Variants in C1R observed in about 807,000 individuals in gnomAD.
The protein encoded by C1R is complement C1r subcomponent.
C1R carries 15 observed loss-of-function variants against 27.6 expected under a neutral mutation model. That is an observed-to-expected ratio of 0.54 (90% CI 0.36 to 0.84). C1R has a LOEUF of 0.84. Ranked by LOEUF, C1R falls within the 40% of genes least tolerant of loss-of-function variation. The probability of loss-of-function intolerance (pLI) is 0.01; values close to 1 mark genes in which losing one functional copy is unlikely to be tolerated. For synonymous variants in C1R, 253 were observed against 228.8 expected (o/e 1.11, Z -0.95); for missense variants, 544 against 577.9 (o/e 0.94, Z 0.60).
Position 7,080,535 on chromosome 12 carries a change from G to C in C1R, c.2115C>G (p.Asp705Glu). ...TCGAACCTAGTGAATTCTGGGCTCA[G>C]TCCTCCTCCTCCATCTCTTTCTTGA... ...DWIKKEMEEE[D>E] The change falls in exon 11 of 11, where the codon GAC (aspartate) becomes GAG (glutamate). Residue 705 changes from aspartate to glutamate, a missense_variant. Around this residue, in one of 2 missense-constraint regions of C1R, gnomAD observed 253 missense variants for 368.9 expected, o/e 0.69. Coordinates refer to ENST00000647956, the MANE Select transcript of C1R (RefSeq NM_001733.7). The surrounding 1 kb of genome is among the most constrained non-coding windows in gnomAD (Gnocchi z 4.9). 1.3e-6 allele frequency: 2 copies of C among 1,558,714 alleles called. No individual in the cohort carries two copies. The highest frequency in any genetic ancestry group is 1.7e-6 in the Non-Finnish European group (2 of 1,150,242).
Position 7,081,194 on chromosome 12 carries a change from G to A in C1R, c.1456C>T (p.Arg486Cys). The A allele has an allele frequency of 1.9e-6, 3 of 1,613,552 alleles. No homozygotes were observed. The highest frequency in any genetic ancestry group is 1.1e-5 in the South Asian group (1 of 91,030). Residue 486 changes from arginine to cysteine, a missense_variant, in exon 11 of 11, where the codon CGC (arginine) becomes TGC (cysteine). Transcript: ENST00000647956. Reference protein sequence around the residue: ...PWQVFTNIHGRGGGALLGDRW... With the variant: ...PWQVFTNIHGCGGGALLGDRW... ...TCGCCCAGCAGGGCCCCGCCCCCGC[G>A]CCCGTGGATGTTGGTGAACACCTGC... is the stretch of plus-strand genomic sequence containing the variant.
rs1371144767 is a variant in C1R at position 7,091,544 on chromosome 12, C to T, written c.139G>A (p.Val47Met). 2.6e-6 allele frequency: 2 copies of T among 778,492 alleles called. No individual in the cohort carries two copies. The highest frequency in any genetic ancestry group is 1.7e-5 in the Admixed American group (1 of 58,712). 48.2% of individuals were successfully genotyped at this position (778,492 alleles called of 1,614,324 possible). A position where few individuals can be genotyped will look rare whatever the true frequency, so the allele number is the denominator to read the frequency against. Residue 47 changes from valine (V) to methionine (M), a missense_variant, in exon 2 of 11, where the codon GTG becomes ATG. Physicochemically the swap from Val to Met is conservative, Grantham distance 21 (BLOSUM62 1). This residue lies in a region of C1R where 291 missense variants were observed against 209.0 expected (regional missense o/e 1.39). Coordinates refer to ENST00000647956, the MANE Select transcript of C1R (RefSeq NM_001733.7). This position sits in a 1 kb window ranked among gnomAD's most constrained non-coding sequence, Gnocchi z 5.1. ...PYPNNFETTT[V>M]ITVPTGYRVK... Reference sequence around the variant, plus strand: ...CTGTATCCCGTGGGGACTGTGATCACAGTGGTTGTTTCAAAGTTGTTGGGG... The same window carrying T: ...CTGTATCCCGTGGGGACTGTGATCATAGTGGTTGTTTCAAAGTTGTTGGGG...
intron 9 of C1R, among the ~76,000 whole-genome samples, chr12:7,085,213 G>GTT (rs1938130882): frequency 6.6e-6 from 1 of 151,160 alleles, no homozygotes; most frequent in African/African-American, 2.4e-5. Flanking sequence ...TAATGCTGGT[G>GTT]GTGATAATGG....
chr12:7,083,237 G>T (rs1236408687), intron 9 of C1R, among the ~76,000 whole-genome samples: 5 of 150,220 alleles, frequency 3.3e-5, no homozygotes, highest in African/African-American at 1.2e-4. Context: ...GTTGTTAATG[G>T]TGGTGTTGTT....
In C1R at chr12:7,082,111, G is replaced by T; in HGVS notation, c.1274-5C>A. The T allele has an allele frequency of 6.8e-7, 1 of 1,473,104 alleles. No homozygotes were observed. The highest frequency in any genetic ancestry group is 9.2e-7 in the Non-Finnish European group (1 of 1,088,380). The allele number at this position is 1,473,104 out of a possible 1,614,324, so 91.3% of individuals were successfully genotyped here. On this transcript the variant is annotated splice_polypyrimidine_tract_variant and splice_region_variant and intron_variant, in intron 9 of 10. Transcript: ENST00000647956. ...GTGCTGTGCAGGTGTACACCCCTGA[G>T]GGCAGAGGAGGCAAGAATCAAGTTG...
In C1R at chr12:7,091,932, C is replaced by T. The variant is rs990324409; in HGVS notation, c.3-252G>A. On this transcript the variant is annotated intron_variant, in intron 1 of 10. Transcript: ENST00000647956. The surrounding 1 kb of genome is among the most constrained non-coding windows in gnomAD (Gnocchi z 5.1). ...CCACACTCCCCTCACACTCCCTTTC[C>T]AGCCTCCTCCCCTGCCCGGACGCGT... The T allele has an allele frequency of 1.2e-5, 8 of 656,660 alleles. No individual in the cohort carries two copies. Among genetic ancestry groups the T allele is most frequent in the Non-Finnish European group, 2.0e-5 (7 of 357,008 alleles). 40.7% of individuals were successfully genotyped at this position (656,660 alleles called of 1,614,324 possible). A position where few individuals can be genotyped will look rare whatever the true frequency, so the allele number is the denominator to read the frequency against.
chr12:7,092,342 C>G, intron 1 of C1R, 45 bp downstream of exon 1: 1 of 780,814 alleles, frequency 1.3e-6, no homozygotes, highest in Non-Finnish European at 2.4e-6. Flanking sequence ...CTGGCTTCTC[C>G]CCTGGCTTCT....
At position 7,080,616 on chromosome 12, in the gene C1R, G is replaced by C. The variant is rs910674306; in HGVS notation, c.2034C>G (p.Ile678Met). Residue 678 changes from isoleucine to methionine, a missense_variant, in exon 11 of 11, where the codon ATC becomes ATG. Coordinates refer to ENST00000647956, the MANE Select transcript of C1R (RefSeq NM_001733.7). This position sits in a 1 kb window ranked among gnomAD's most constrained non-coding sequence, Gnocchi z 4.9. ...WVATGIVSWG[I>M]GCSRGYGFYT... is the part of the protein sequence containing the mutation. ...AGAAGCCATAGCCCCTGCTGCACCC[G>C]ATGCCCCAGGACACGATGCCCGTGG... 1 of 1,613,378 alleles carries C rather than the reference G, an allele frequency of 6.2e-7. No homozygotes were observed. The highest frequency in any genetic ancestry group is 1.3e-5 in the African/African-American group (1 of 74,868).
In C1R at chr12:7,080,595, G is replaced by A. The variant is rs1221754610; in HGVS notation, c.2055C>T (p.Gly685=). ...CGTAGTTGAGCACTTTGGTGTAGAA[G>A]CCATAGCCCCTGCTGCACCCGATGC... ...SWGIGCSRGY[G]FYTKVLNYVD... Residue 685 remains glycine (G), a synonymous_variant, in exon 11 of 11, where the codon GGC becomes GGT. Transcript: ENST00000647956. This position sits in a 1 kb window ranked among gnomAD's most constrained non-coding sequence, Gnocchi z 4.9. 4 of 1,611,090 alleles carry A rather than the reference G, an allele frequency of 2.5e-6. No homozygotes were observed. The South Asian group carries it at 4.4e-5, about 18-fold the overall frequency.
At position 7,080,378 on chromosome 12, in the gene C1R, T is replaced by C; in HGVS notation, c.*154A>G. On this transcript the variant is annotated 3_prime_UTR_variant, in exon 11 of 11. Transcript: ENST00000647956. The surrounding 1 kb of genome is among the most constrained non-coding windows in gnomAD (Gnocchi z 4.9). ...TTTGGGTTGTTTCAGGTAAAGTACA[T>C]CAATGGGACTACAGGAAAGAGAATT... The C allele has an allele frequency of 2.2e-6, 3 of 1,380,896 alleles. No homozygotes were observed. Among genetic ancestry groups the C allele is most frequent in the Non-Finnish European group, 2.8e-6 (3 of 1,070,944 alleles). The allele number at this position is 1,380,896 out of a possible 1,614,324, so 85.5% of individuals were successfully genotyped here. A position where few individuals can be genotyped will look rare whatever the true frequency, so the allele number is the denominator to read the frequency against.
At chr12:7,090,481 C>A (rs955830022) in intron 2 of C1R, 4 of 522,924 alleles carry the variant, frequency 7.6e-6, no homozygotes, top group Non-Finnish European at 1.4e-5. Flanking sequence ...GGGTACCTCA[C>A]CCTTTCCCTG....
rs1014763885 is a variant in C1R, at chr12:7,088,700, G to C, written c.948C>G (p.Asp316Glu). The change falls in exon 7 of 11, where the codon GAC becomes GAG. Residue 316 changes from aspartate to glutamate, a missense_variant. By Grantham distance (45) the Asp-to-Glu change is conservative. Transcript: ENST00000647956. ...IIKCPQPKTLDEFTIIQNLQP... is the reference protein window; with the variant it reads ...IIKCPQPKTLEEFTIIQNLQP... ...GCAGGTTCTGGATGATGGTGAACTCGTCTAGGGTCTTGGGCTGGGGGCACT... is the reference window on the plus strand; with the variant it reads ...GCAGGTTCTGGATGATGGTGAACTCCTCTAGGGTCTTGGGCTGGGGGCACT... 1.3e-6 allele frequency: 1 copy of C among 775,798 alleles called. No individual in the cohort carries two copies. The highest frequency in any genetic ancestry group is 2.4e-6 in the Non-Finnish European group (1 of 415,824). The allele number at this position is 775,798 out of a possible 1,614,324, so 48.1% of individuals were successfully genotyped here.
chr12:7,091,769 A>C lies in C1R; in HGVS notation c.3-89T>G, dbSNP rs1406890241. On this transcript the variant is annotated intron_variant, in intron 1 of 10. Coordinates refer to ENST00000647956, the MANE Select transcript of C1R (RefSeq NM_001733.7). The surrounding 1 kb of genome is among the most constrained non-coding windows in gnomAD (Gnocchi z 5.1). ...GGCTGTGGCAGGGGATGAGACGGCC[A>C]TACCACTGGGCATTCTCCTCTCTGC... 2.8e-6 allele frequency: 2 copies of C among 715,690 alleles called. No individual in the cohort carries two copies. The highest frequency in any genetic ancestry group is 5.2e-6 in the Non-Finnish European group (2 of 385,016). 44.3% of individuals were successfully genotyped at this position (715,690 alleles called of 1,614,324 possible).
At position 7,092,404 on chromosome 12, in the gene C1R, T is replaced by C; in HGVS notation, c.-16A>G. The C allele has an allele frequency of 1.3e-6, 1 of 780,862 alleles. No individual in the cohort carries two copies. The allele number at this position is 780,862 out of a possible 1,614,324, so 48.4% of individuals were successfully genotyped here. On this transcript the variant is annotated 5_prime_UTR_variant, in exon 1 of 11. Coordinates refer to ENST00000647956, the MANE Select transcript of C1R (RefSeq NM_001733.7). Reference sequence around the variant, plus strand: ...TTACTCACATTTCTCAAGGCCCGTGTTGAATCCTGGGCTCTCCCGACAGCG... The same window carrying C: ...TTACTCACATTTCTCAAGGCCCGTGCTGAATCCTGGGCTCTCCCGACAGCG...
rs963931406 is a variant in C1R, at chr12:7,091,868, T to A, written c.3-188A>T. On this transcript the variant is annotated intron_variant, in intron 1 of 10. Transcript: ENST00000647956. This position sits in a 1 kb window ranked among gnomAD's most constrained non-coding sequence, Gnocchi z 5.1. The stretch of plus-strand genomic sequence containing the variant: ...GAGGATGGCCTGTGCAGCTGCTGCA[T>A]CGGGTCACTCTCCAGGGCAGTGTCC... The A allele has an allele frequency of 1.4e-6, 1 of 695,886 alleles. No homozygotes were observed. The highest frequency in any genetic ancestry group is 2.6e-6 in the Non-Finnish European group (1 of 381,768). 43.1% of individuals were successfully genotyped at this position (695,886 alleles called of 1,614,324 possible).
intron 7 of C1R, chr12:7,087,327 T>C (rs1370502210): frequency 3.3e-5 from 5 of 153,460 alleles, no homozygotes; most frequent in Admixed American, 2.6e-4. Context: ...GAGTTTACAG[T>C]GAGCTGAGAC....
rs892627232 is a variant in C1R at position 7,085,561 on chromosome 12, G to A, written c.1273+300C>T. Among the ~76,000 whole-genome samples, 5 of 152,014 alleles carry A rather than the reference G, an allele frequency of 3.3e-5. No individual in the cohort carries two copies. The South Asian group carries it at 1.0e-3, about 31-fold the overall frequency. On this transcript the variant is annotated intron_variant, in intron 9 of 10. Transcript: ENST00000647956. Reference sequence around the variant, plus strand: ...TGGTAGTGTTGCTGGTGTTGTTACTGGTAGTGGTGGTGATGGCAGTGATGG... The same window carrying A: ...TGGTAGTGTTGCTGGTGTTGTTACTAGTAGTGGTGGTGATGGCAGTGATGG...
Position 7,088,960 on chromosome 12 carries a change from G to A in C1R, c.795C>T (p.Gly265=), listed in dbSNP as rs752048996. 5.3e-6 allele frequency: 4 copies of A among 751,102 alleles called. No homozygotes were observed. Among genetic ancestry groups the A allele is most frequent in the Admixed American group, 1.8e-5 (1 of 54,096 alleles). The allele number at this position is 751,102 out of a possible 1,614,324, so 46.5% of individuals were successfully genotyped here. A position where few individuals can be genotyped will look rare whatever the true frequency, so the allele number is the denominator to read the frequency against. The part of the protein sequence containing the change: ...LQIYANGKNI[G]EFCGKQRPPD... ...GGGGCCTTTGCTTCCCACAGAACTCGCCAATGTTCTTCCCGTTGGCATAGA... is the reference window on the plus strand; with the variant it reads ...GGGGCCTTTGCTTCCCACAGAACTCACCAATGTTCTTCCCGTTGGCATAGA... Residue 265 remains glycine (G), a synonymous_variant, in exon 6 of 11, where the codon GGC becomes GGT. Transcript: ENST00000647956.
Position 7,091,552 on chromosome 12 carries a change from G to C in C1R, c.131C>G (p.Thr44Arg). ...CGTGGGGACTGTGATCACAGTGGTT[G>C]TTTCAAAGTTGTTGGGGTAAGGCTT... is the stretch of plus-strand genomic sequence containing the variant. ...FPKPYPNNFE[T>R]TTVITVPTGY... is the part of the protein sequence containing the mutation. The change falls in exon 2 of 11, where the codon ACA becomes AGA. Residue 44 changes from threonine to arginine, a missense_variant. Physicochemically the swap from Thr to Arg is moderately conservative, Grantham distance 71. This residue lies in a region of C1R where 291 missense variants were observed against 209.0 expected (regional missense o/e 1.39). Transcript: ENST00000647956. This position sits in a 1 kb window ranked among gnomAD's most constrained non-coding sequence, Gnocchi z 5.1. 1.3e-6 allele frequency: 1 copy of C among 778,170 alleles called. No homozygotes were observed. The highest frequency in any genetic ancestry group is 2.4e-6 in the Non-Finnish European group (1 of 416,834). The allele number at this position is 778,170 out of a possible 1,614,324, so 48.2% of individuals were successfully genotyped here. A position where few individuals can be genotyped will look rare whatever the true frequency, so the allele number is the denominator to read the frequency against.
Sources: gnomAD v4.1 joint callset for allele counts (sites outside exome capture counted in the v4.1 genomes callset) on GRCh38, gnomAD v4.1.1 for gene constraint, gnomAD v4.1.1 regional missense constraint, Gnocchi (gnomAD v3.1) non-coding constraint, MANE v1.5 for transcripts, NCBI Gene and HGNC (gene_info 2026-07-23, HGNC 2026-07-21) for gene names.